The following SOX5 variants were observed in gnomAD, a reference collection of about 807,000 sequenced individuals.
SOX5 encodes the protein transcription factor SOX-5.
A neutral mutation model predicts 92.0 loss-of-function variants in SOX5; 9 were observed. The observed-to-expected ratio is 0.10, with a 90% CI of 0.06 to 0.17. The LOEUF is 0.17. Among genes scored for constraint, SOX5 ranks in the 10% least tolerant of loss-of-function variants. The pLI, the probability that SOX5 is intolerant of heterozygous loss-of-function variation, is 1.00. For synonymous variants in SOX5, 344 were observed against 336.3 expected (o/e 1.02, Z -0.25); for missense variants, 642 against 944.5 (o/e 0.68, Z 4.20).
At chr12:23,648,566 C>T (rs139427938) in intron 7 of SOX5, among the ~76,000 whole-genome samples, 1 of 152,168 alleles carries the variant, frequency 6.6e-6, no homozygotes, top group East Asian at 1.9e-4. Context: ...CAGATTAGGA[C>T]ACAAACAAAA....
intron 3 of SOX5, among the ~76,000 whole-genome samples, chr12:23,808,390 A>G (rs571244470): frequency 6.6e-6 from 1 of 152,258 alleles, no homozygotes; most frequent in African/African-American, 2.4e-5. Context: ...TGTTTATAGA[A>G]ACTAAAAACA....
chr12:24,546,511 A>G (rs565570381), intron 1 of SOX5, among the ~76,000 whole-genome samples: 2 of 152,202 alleles, frequency 1.3e-5, no homozygotes, highest in South Asian at 4.2e-4. Flanking sequence ...ATACCAAACT[A>G]TCTGTAATTC....
chr12:24,472,896 CT>C (rs1156941665), intron 1 of SOX5, among the ~76,000 whole-genome samples: 3 of 151,934 alleles, frequency 2.0e-5, no homozygotes, highest in East Asian at 3.9e-4. Flanking sequence ...CTGTGGTGAT[CT>C]ATTTTAATGT....
chr12:24,029,694 T>A (rs1278398554), intron 4 of SOX5, among the ~76,000 whole-genome samples: 2 of 152,030 alleles, frequency 1.3e-5, no homozygotes, highest in Non-Finnish European at 2.9e-5. Flanking sequence ...TGTTGATCAT[T>A]GCCTTCTTAT....
At chr12:24,050,473 C>T (rs554169731) in intron 4 of SOX5, among the ~76,000 whole-genome samples, 121 of 152,070 alleles carry the variant, frequency 8.0e-4, no homozygotes, top group South Asian at 1.9e-3. Flanking sequence ...AAAAAAACTA[C>T]GATAGGCAAA....
At chr12:23,882,494 C>T (rs1253319093) in intron 2 of SOX5, among the ~76,000 whole-genome samples, 3 of 151,822 alleles carry the variant, frequency 2.0e-5, no homozygotes, top group African/African-American at 7.3e-5. Flanking sequence ...TATACCATTC[C>T]AAAATATTGT....
intron 2 of SOX5, among the ~76,000 whole-genome samples, chr12:23,893,208 G>T (rs113340021): frequency 0.076 from 11,499 of 152,226 alleles, 557 homozygotes; most frequent in Middle Eastern, 0.14. Flanking sequence ...AGCACTTTGG[G>T]AGGCCGATGT....
intron 3 of SOX5, among the ~76,000 whole-genome samples, chr12:23,836,989 T>C (rs1359199887): frequency 6.6e-6 from 1 of 151,242 alleles, no homozygotes; most frequent in Non-Finnish European, 1.5e-5. Context: ...CTCCTAAGTA[T>C]TTTATTCTTT....
At chr12:23,995,969 T>C (rs1254434580) in intron 4 of SOX5, among the ~76,000 whole-genome samples, 2 of 152,202 alleles carry the variant, frequency 1.3e-5, no homozygotes, top group Non-Finnish European at 2.9e-5. Context: ...CATTATGGAA[T>C]ATAAGCCTAT....
Position 24,432,735 on chromosome 12 carries a change from C to A in SOX5, c.-250-64096G>T, listed in dbSNP as rs149162187. Among the ~76,000 whole-genome samples, 41 of 152,184 alleles carry A rather than the reference C, an allele frequency of 2.7e-4. 1 individual carries two copies. Among genetic ancestry groups the A allele is most frequent in the Non-Finnish European group, 5.1e-4 (35 of 68,020 alleles). Reference sequence around the variant, plus strand: ...GCTGAGGCAGAAGAATCCTTTGAACCCAGGAGGCGGAGATTGCAGTGAGCC... The same window carrying A: ...GCTGAGGCAGAAGAATCCTTTGAACACAGGAGGCGGAGATTGCAGTGAGCC... On this transcript the variant is annotated intron_variant, in intron 1 of 4. Transcript: ENST00000446891.
chr12:23,692,561 C>T (rs551168547), intron 6 of SOX5, among the ~76,000 whole-genome samples: 1 of 152,014 alleles, frequency 6.6e-6, no homozygotes, highest in Non-Finnish European at 1.5e-5. Flanking sequence ...TGGTTTATGA[C>T]TTAAAATATA....
chr12:23,846,008 T>C lies in SOX5; in HGVS notation c.456A>G (p.Glu152=), dbSNP rs2096571141. Residue 152 remains glutamate, a synonymous_variant, in exon 3 of 15, where the codon GAA becomes GAG. Transcript: ENST00000451604. Reference sequence around the variant, plus strand: ...CTTCCGGCTCGTTTTTGATGAGCTCTTCCATTTTCCTCTGCTTCAAGGTGT... The same window carrying C: ...CTTCCGGCTCGTTTTTGATGAGCTCCTCCATTTTCCTCTGCTTCAAGGTGT... ...VVDTLKQRKM[E]ELIKNEPEET... 2 of 1,614,098 alleles carry C rather than the reference T, an allele frequency of 1.2e-6. No individual in the cohort carries two copies. Among genetic ancestry groups the C allele is most frequent in the Admixed American group, 1.7e-5 (1 of 60,012 alleles).
chr12:24,160,573 A>G (rs925460132), intron 4 of SOX5, among the ~76,000 whole-genome samples: 8 of 152,088 alleles, frequency 5.3e-5, no homozygotes, highest in Admixed American at 6.6e-5. Context: ...TACAAGATTG[A>G]TTCAAGAGAA....
chr12:23,549,940 C>T (rs191508043), intron 11 of SOX5, among the ~76,000 whole-genome samples: 4 of 152,048 alleles, frequency 2.6e-5, no homozygotes, highest in Non-Finnish European at 2.9e-5. Context: ...CACATGGTTT[C>T]CTGGGTGCAA....
chr12:23,858,350 A>G (rs1188711788), intron 2 of SOX5, among the ~76,000 whole-genome samples: 1 of 152,172 alleles, frequency 6.6e-6, no homozygotes, highest in Non-Finnish European at 1.5e-5. Context: ...AACAAGAGAG[A>G]AACAAACAGC....
intron 3 of SOX5, among the ~76,000 whole-genome samples, chr12:23,777,535 T>C (rs1245563095): frequency 6.6e-6 from 1 of 152,178 alleles, no homozygotes; most frequent in Non-Finnish European, 1.5e-5. Flanking sequence ...GACCATAACG[T>C]CTGCCTCTAT....
intron 2 of SOX5, among the ~76,000 whole-genome samples, chr12:24,340,564 G>A (rs1952461610): frequency 6.6e-6 from 1 of 152,162 alleles, no homozygotes; most frequent in Non-Finnish European, 1.5e-5. Context: ...CACTAAATGG[G>A]CTTGTCTGAT....
chr12:24,199,193 C>G (rs1391483664), intron 4 of SOX5, among the ~76,000 whole-genome samples: 1 of 152,096 alleles, frequency 6.6e-6, no homozygotes, highest in Non-Finnish European at 1.5e-5. Context: ...GGGATGGATG[C>G]CCATGATTAA....
chr12:23,755,129 T>C (rs2094322041), intron 4 of SOX5, among the ~76,000 whole-genome samples: 1 of 151,802 alleles, frequency 6.6e-6, no homozygotes, highest in Admixed American at 6.6e-5. Flanking sequence ...TATAGAACTT[T>C]TCTTAGCTGG....
Sources: allele counts gnomAD v4.1 joint callset (sites outside exome capture counted in the v4.1 genomes callset), GRCh38; gene constraint gnomAD v4.1.1; transcripts MANE v1.5; gene names NCBI Gene and HGNC (gene_info 2026-07-23, HGNC 2026-07-21).